Variants in FAT4 observed in about 807,000 individuals in gnomAD.
FAT4 encodes the protein FAT atypical cadherin 4.
FAT4 carries 84 observed loss-of-function variants against 303.9 expected under a neutral mutation model. That is an observed-to-expected ratio of 0.28 (90% CI 0.23 to 0.33). The LOEUF is 0.33. Ranked by LOEUF, FAT4 falls within the 10% of genes least tolerant of loss-of-function variation. FAT4 has a pLI of 1.00. For missense variants in FAT4, 6,005 were observed against 6,146.8 expected (o/e 0.98, Z 0.77); for synonymous variants, 2,307 against 2,298.8 (o/e 1.00, Z -0.10).
Position 125,408,557 on chromosome 4 carries a change from A to T in FAT4, c.5683A>T (p.Thr1895Ser). ...TGGCATCTTTTTCCTGAATCCTATT[A>T]CTGGGGTCTTTAATTTGACTCGATT... ...EDGIFFLNPITGVFNLTRLLD... is the reference protein window; with the variant it reads ...EDGIFFLNPISGVFNLTRLLD... The change falls in exon 5 of 18, where the codon ACT becomes TCT. Residue 1895 changes from threonine (T) to serine (S), a missense_variant. By Grantham distance (58) the Thr-to-Ser change is moderately conservative. Transcript: ENST00000394329. 1 of 1,612,564 alleles carries T rather than the reference A, an allele frequency of 6.2e-7. No individual in the cohort carries two copies. Among genetic ancestry groups the T allele is most frequent in the Non-Finnish European group, 8.5e-7 (1 of 1,178,864 alleles).
At chr4:125,390,286 C>T (rs938433954) in intron 2 of FAT4, among the ~76,000 whole-genome samples, 2 of 152,090 alleles carry the variant, frequency 1.3e-5, no homozygotes, top group African/African-American at 2.4e-5. Context: ...CACCCTGATG[C>T]GGTCATACTG....
At chr4:125,374,864 G>T (rs1211063308) in intron 2 of FAT4, among the ~76,000 whole-genome samples, 1 of 152,076 alleles carries the variant, frequency 6.6e-6, no homozygotes, top group Non-Finnish European at 1.5e-5. Flanking sequence ...ATTCCAGAAG[G>T]ATACAAGTAA....
Position 125,449,494 on chromosome 4 carries a change from T to A in FAT4, c.8484T>A (p.Asp2828Glu), listed in dbSNP as rs1393661126. ...LPFTINPSTG[D>E]IVISRPLNRE... is the part of the protein sequence containing the mutation. Reference sequence around the variant, plus strand: ...TTACAATTAATCCCAGCACAGGGGATATTGTCATAAGCAGACCTTTAAATA... The same window carrying A: ...TTACAATTAATCCCAGCACAGGGGAAATTGTCATAAGCAGACCTTTAAATA... The change falls in exon 10 of 18, where the codon GAT (aspartate) becomes GAA (glutamate). Residue 2828 changes from aspartate (D) to glutamate (E), a missense_variant. Coordinates refer to ENST00000394329, the MANE Select transcript of FAT4 (RefSeq NM_001291303.3). The A allele has an allele frequency of 3.7e-6, 6 of 1,613,824 alleles. No homozygotes were observed. The highest frequency in any genetic ancestry group is 2.7e-5 in the African/African-American group (2 of 74,930).
Position 125,333,310 on chromosome 4 carries a change from A to G in FAT4, c.5175+11724A>G, listed in dbSNP as rs1354036060. The stretch of plus-strand genomic sequence containing the variant: ...TTCTAAACCCAAGGAACTTAATAGA[A>G]TTCGTCCCACAGATGCTCAAAACAG... On this transcript the variant is annotated intron_variant, in intron 2 of 17. Transcript: ENST00000394329. Among the ~76,000 whole-genome samples the G allele has an allele frequency of 3.3e-5, 5 of 152,122 alleles. No homozygotes were observed. In the East Asian group the frequency reaches 9.6e-4, roughly 29 times the overall value.
rs1014865 is a variant in FAT4, at chr4:125,491,177, C to G, written c.14361C>G (p.Val4787=). 2 of 1,613,970 alleles carry G rather than the reference C, an allele frequency of 1.2e-6. No homozygotes were observed. Among genetic ancestry groups the G allele is most frequent in the African/African-American group, 2.7e-5 (2 of 74,922 alleles). Residue 4787 remains valine (V), a synonymous_variant, in exon 18 of 18, where the codon GTC becomes GTG. Coordinates refer to ENST00000394329, the MANE Select transcript of FAT4 (RefSeq NM_001291303.3). Reference sequence around the variant, plus strand: ...TTCCACTGGAATCTTCTCCTCCAGTCGGACTTTCTATTGAAGAAGTGGAGA... The same window carrying G: ...TTCCACTGGAATCTTCTCCTCCAGTGGGACTTTCTATTGAAGAAGTGGAGA... ...GQIPLESSPP[V]GLSIEEVERL... is the part of the protein sequence containing the mutation.
At chr4:125,392,498 T>C (rs929969830) in intron 2 of FAT4, among the ~76,000 whole-genome samples, 6 of 152,166 alleles carry the variant, frequency 3.9e-5, no homozygotes, top group African/African-American at 7.2e-5. Flanking sequence ...TATTTATATG[T>C]TGCATCTTTT....
chr4:125,398,923 A>G lies in FAT4; in HGVS notation c.5307+8A>G. 1 of 1,612,210 alleles carries G rather than the reference A, an allele frequency of 6.2e-7. No individual in the cohort carries two copies. Among genetic ancestry groups the G allele is most frequent in the South Asian group, 1.1e-5 (1 of 90,916 alleles). On this transcript the variant is annotated splice_region_variant and intron_variant, in intron 3 of 17. Transcript: ENST00000394329. ...GCCATGGATGCTGATGAGGTAGCTCAAGCATGTCTCTGAATTTGTGAAACT... is the reference window on the plus strand; with the variant it reads ...GCCATGGATGCTGATGAGGTAGCTCGAGCATGTCTCTGAATTTGTGAAACT...
intron 5 of FAT4, among the ~76,000 whole-genome samples, chr4:125,413,365 A>G (rs1734918404): frequency 6.6e-6 from 1 of 151,814 alleles, no homozygotes; most frequent in Non-Finnish European, 1.5e-5. Flanking sequence ...AGTATTCTGA[A>G]CTTTGTAATC....
chr4:125,316,235 A>G lies in FAT4; in HGVS notation c.-12-165A>G, dbSNP rs1730579311. On this transcript the variant is annotated intron_variant, in intron 1 of 17. Transcript: ENST00000394329. This position sits in a 1 kb window ranked among gnomAD's most constrained non-coding sequence, Gnocchi z 5.7. ...GCACTCCGCGTTCAACTGGCTACCT[A>G]GAGTCTTTTGCTGATGCTACTTGCT... Among the ~76,000 whole-genome samples, 1 of 152,116 alleles carries G rather than the reference A, an allele frequency of 6.6e-6. No homozygotes were observed. Among genetic ancestry groups the G allele is most frequent in the Admixed American group, 6.5e-5 (1 of 15,282 alleles).
intron 2 of FAT4, among the ~76,000 whole-genome samples, chr4:125,347,244 T>A (rs982664478): frequency 6.6e-6 from 1 of 150,688 alleles, no homozygotes; most frequent in Non-Finnish European, 1.5e-5. Context: ...TATGTCTATG[T>A]ATTTCAATCA....
Position 125,390,423 on chromosome 4 carries a change from G to A in FAT4, c.5176-8361G>A, listed in dbSNP as rs372803690. 4.6e-5 allele frequency among the ~76,000 whole-genome samples: 7 copies of A among 152,274 alleles called. No homozygotes were observed. The East Asian group carries it at 5.8e-4, about 13-fold the overall frequency. On this transcript the variant is annotated intron_variant, in intron 2 of 17. Transcript: ENST00000394329. ...GGCCAAAGGAAGCAACAGCTGAGGC[G>A]TGATGGTTGTACTGATATTGGTGTG...
intron 8 of FAT4, among the ~76,000 whole-genome samples, chr4:125,440,055 T>C (rs1725599160): frequency 6.6e-6 from 1 of 152,170 alleles, no homozygotes; most frequent in African/African-American, 2.4e-5. Context: ...CTAAATTAAT[T>C]CAAGGTTTCT....
intron 2 of FAT4, among the ~76,000 whole-genome samples, chr4:125,381,461 GTTTA>G (rs60474151): frequency 0.33 from 49,810 of 151,862 alleles, 9,384 homozygotes; most frequent in Non-Finnish European, 0.43. Context: ...ATAAAATTAT[GTTTA>G]TTCTATACTG....
chr4:125,449,800 C>A lies in FAT4; in HGVS notation c.8790C>A (p.Phe2930Leu). 1 of 1,613,708 alleles carries A rather than the reference C, an allele frequency of 6.2e-7. No homozygotes were observed. Among genetic ancestry groups the A allele is most frequent in the Non-Finnish European group, 8.5e-7 (1 of 1,179,878 alleles). Residue 2930 changes from phenylalanine to leucine, a missense_variant, in exon 10 of 18, where the codon TTC becomes TTA. Phe to Leu is a conservative substitution (Grantham distance 22, BLOSUM62 0). Coordinates refer to ENST00000394329, the MANE Select transcript of FAT4 (RefSeq NM_001291303.3). ...FRINATTGEIFNKQILKYQNV... is the reference protein window; with the variant it reads ...FRINATTGEILNKQILKYQNV... Reference sequence around the variant, plus strand: ...TTAATGCCACCACTGGAGAGATTTTCAATAAACAGATCTTAAAATACCAAA... The same window carrying A: ...TTAATGCCACCACTGGAGAGATTTTAAATAAACAGATCTTAAAATACCAAA...
At chr4:125,489,702 C>G (rs891012216) in intron 17 of FAT4, among the ~76,000 whole-genome samples, 199 bp from the exon 18 acceptor site, 1 of 152,066 alleles carries the variant, frequency 6.6e-6, no homozygotes, top group Admixed American at 6.6e-5. Flanking sequence ...GTAATCTTAA[C>G]GCACCTTGCT....
At position 125,370,446 on chromosome 4, in the gene FAT4, A is replaced by G. The variant is rs79186698; in HGVS notation, c.5176-28338A>G. Among the ~76,000 whole-genome samples the G allele has an allele frequency of 9.5e-3, 1,447 of 152,302 alleles. 14 individuals are homozygous for G. The highest frequency in any genetic ancestry group is 0.016 in the Non-Finnish European group (1,119 of 68,016). On this transcript the variant is annotated intron_variant, in intron 2 of 17. Transcript: ENST00000394329. ...TAATTCCCTACACAGTGCATGGCAT[A>G]CACAAGGACTCATGAGATGCTGTTG...
intron 7 of FAT4, among the ~76,000 whole-genome samples, chr4:125,424,729 G>A (rs980021749): frequency 1.3e-5 from 2 of 152,100 alleles, no homozygotes; most frequent in African/African-American, 4.8e-5. Context: ...CACAAAAATA[G>A]ACAGTAAAAA....
chr4:125,432,672 T>A (rs556912634), intron 7 of FAT4, among the ~76,000 whole-genome samples: 1 of 152,270 alleles, frequency 6.6e-6, no homozygotes, highest in South Asian at 2.1e-4. Flanking sequence ...AGGGCTATTT[T>A]TCCCTTTAGT....
intron 7 of FAT4, among the ~76,000 whole-genome samples, chr4:125,428,730 A>T (rs1169807213): frequency 2.0e-5 from 3 of 152,266 alleles, no homozygotes; most frequent in South Asian, 4.1e-4. Flanking sequence ...TAAATTTGAA[A>T]TTTTTTCATC....
Sources: allele counts gnomAD v4.1 joint callset (sites outside exome capture counted in the v4.1 genomes callset), GRCh38; gene constraint gnomAD v4.1.1; non-coding constraint Gnocchi (gnomAD v3.1); transcripts MANE v1.5; gene names NCBI Gene and HGNC (gene_info 2026-07-23, HGNC 2026-07-21).